C7orf57: variants seen among roughly 807,000 people sequenced by gnomAD.
C7orf57 encodes chromosome 7 open reading frame 57.
Under a neutral mutation model 39.0 loss-of-function variants are expected in C7orf57, and 33 were observed. The observed-to-expected ratio is 0.85, with a 90% CI of 0.64 to 1.13. The LOEUF (loss-of-function observed/expected upper bound fraction) is 1.13. Ranked by LOEUF, C7orf57 falls within the 50% of genes most tolerant of loss-of-function variation. The pLI is 0.00. For missense variants in C7orf57, 346 were observed against 362.3 expected, an observed-to-expected ratio of 0.95 and a Z score of 0.37; for synonymous variants, 124 against 137.1, an observed-to-expected ratio of 0.90 and a Z score of 0.67.
At chr7:48,047,081 G>A (rs1271638903) in intron 5 of C7orf57, among the ~76,000 whole-genome samples, 1 of 152,188 alleles carries the variant, frequency 6.6e-6, no homozygotes, top group Non-Finnish European at 1.5e-5. Flanking sequence ...GTGACTGGCT[G>A]TGCAGTGAAG....
At chr7:48,039,751 T>C (rs1790490511) in intron 2 of C7orf57, among the ~76,000 whole-genome samples, 1 of 150,024 alleles carries the variant, frequency 6.7e-6, no homozygotes, top group Non-Finnish European at 1.5e-5. Context: ...ACTCTGAACA[T>C]ACTGCCCCTG....
intron 4 of C7orf57, 29 bp downstream of exon 4, chr7:48,043,618 G>T: frequency 6.4e-7 from 1 of 1,567,576 alleles, no homozygotes; most frequent in Non-Finnish European, 8.8e-7. Context: ...TCACATTTTT[G>T]TTTATCTTTA....
intron 6 of C7orf57, among the ~76,000 whole-genome samples, chr7:48,052,226 C>T (rs1437646683): frequency 2.6e-5 from 4 of 152,084 alleles, no homozygotes; most frequent in African/African-American, 9.7e-5. Context: ...CTGCCTTGGC[C>T]TCCCAAAGTG....
intron 2 of C7orf57, among the ~76,000 whole-genome samples, chr7:48,037,737 C>T (rs1490789745): frequency 1.5e-5 from 2 of 129,788 alleles, no homozygotes; most frequent in Non-Finnish European, 3.6e-5. Context: ...AACTCTTAGT[C>T]CCTTTAACCC....
intron 2 of C7orf57, among the ~76,000 whole-genome samples, chr7:48,037,994 C>A (rs967272304): frequency 6.6e-6 from 1 of 152,120 alleles, no homozygotes; most frequent in Admixed American, 6.5e-5. Context: ...CAATCAAACG[C>A]CTTCTCTCAA....
chr7:48,052,492 T>C (rs1790984580), intron 6 of C7orf57, among the ~76,000 whole-genome samples: 1 of 151,690 alleles, frequency 6.6e-6, no homozygotes, highest in Non-Finnish European at 1.5e-5. Context: ...TGCTTAAAAA[T>C]GGAGACAGTG....
intron 1 of C7orf57, 36 bp from the exon 2 acceptor site, chr7:48,036,172 C>A (rs542205577): frequency 2.3e-6 from 2 of 865,214 alleles, no homozygotes; most frequent in East Asian, 5.3e-5. Context: ...GCGTACAGAC[C>A]GACCCAGAGC....
chr7:48,053,154 A>G, intron 7 of C7orf57: 1 of 628,852 alleles, frequency 1.6e-6, no homozygotes, highest in Non-Finnish European at 2.9e-6. Context: ...GGGGTTTCAC[A>G]TTTTCTTTTA....
chr7:48,046,424 T>A, intron 4 of C7orf57, 36 bp from the exon 5 acceptor site: 2 of 1,590,260 alleles, frequency 1.3e-6, no homozygotes, highest in Non-Finnish European at 1.7e-6. Context: ...GAAATGGCTC[T>A]GAGCACCAGG....
chr7:48,051,840 T>C (rs1427529853), intron 6 of C7orf57, among the ~76,000 whole-genome samples: 79 of 78,374 alleles, frequency 1.0e-3, no homozygotes, highest in Admixed American at 1.2e-3. Context: ...TCTTTCTTTC[T>C]TTCTTTCTTT....
intron 5 of C7orf57, among the ~76,000 whole-genome samples, chr7:48,049,483 A>G (rs1790811978): frequency 6.6e-6 from 1 of 152,046 alleles, no homozygotes; most frequent in Non-Finnish European, 1.5e-5. Context: ...TCATGATACA[A>G]TTTGTTTATC....
intron 5 of C7orf57, 37 bp downstream of exon 5, chr7:48,046,653 G>A (rs527770988): frequency 1.3e-5 from 21 of 1,590,632 alleles, no homozygotes; most frequent in East Asian, 2.3e-5. Context: ...ATCCGCATCC[G>A]CTTTGCTTCT....
chr7:48,060,476 A>G lies in C7orf57; in HGVS notation c.*204A>G. The G allele has an allele frequency of 2.3e-6, 1 of 437,662 alleles. No homozygotes were observed. Among genetic ancestry groups the G allele is most frequent in the Non-Finnish European group, 4.3e-6 (1 of 234,474 alleles). The allele number at this position is 437,662 out of a possible 1,614,324, so 27.1% of individuals were successfully genotyped here. A position where few individuals can be genotyped will look rare whatever the true frequency, so the allele number is the denominator to read the frequency against. ...CTTGCATTTCTCTGGGATGTGAAAC[A>G]CTTGGCTAACAAACACAACTAAGGC... On this transcript the variant is annotated 3_prime_UTR_variant, in exon 9 of 9. Coordinates refer to ENST00000348904, the MANE Select transcript of C7orf57 (RefSeq NM_001100159.3).
chr7:48,054,504 G>T, intron 7 of C7orf57, 91 bp from the exon 8 acceptor site: 2 of 1,062,394 alleles, frequency 1.9e-6, no homozygotes, highest in African/African-American at 1.6e-5. Context: ...AAGTAATACA[G>T]AATTTTCATT....
chr7:48,052,678 C>T (rs1182891660), intron 6 of C7orf57, 22 bp from the exon 7 acceptor site: 2 of 1,599,926 alleles, frequency 1.3e-6, no homozygotes, highest in East Asian at 2.2e-5. Context: ...TTAAGTTTCA[C>T]ATTACTTTTA....
chr7:48,046,703 G>C (rs1254448375), intron 5 of C7orf57, 87 bp downstream of exon 5: 5 of 1,444,270 alleles, frequency 3.5e-6, no homozygotes, highest in African/African-American at 1.4e-5. Context: ...TTAGCTGCTG[G>C]TGGCGTCTTA....
Position 48,051,848 on chromosome 7 carries a change from T to TC in C7orf57, c.606-852_606-851insC, listed in dbSNP as rs1471987346. On this transcript the variant is annotated intron_variant, in intron 6 of 8. Transcript: ENST00000348904. ...CTTTCTTTCTTTCTTTCTTTCTTTC[T>TC]TTCTTTCTTTCTTTCTTTCTTTCTC... Among the ~76,000 whole-genome samples, 820 of 82,328 alleles carry TC rather than the reference T, an allele frequency of 1.0e-2. 15 individuals are homozygous for TC. The highest frequency in any genetic ancestry group is 0.018 in the South Asian group (42 of 2,380). 54.0% of individuals were successfully genotyped at this position (82,328 alleles called of 152,430 possible).
At chr7:48,054,972 G>T (rs1791073798) in intron 8 of C7orf57, among the ~76,000 whole-genome samples, 1 of 152,100 alleles carries the variant, frequency 6.6e-6, no homozygotes, top group South Asian at 2.1e-4. Context: ...CGCCTCCCGG[G>T]TTCACGCCAT....
chr7:48,042,018 A>G (rs1457400350), intron 3 of C7orf57, among the ~76,000 whole-genome samples: 1 of 152,242 alleles, frequency 6.6e-6, no homozygotes, highest in East Asian at 1.9e-4. Context: ...TTTAATTGAG[A>G]AAGTACTGCT....
Sources: gnomAD v4.1 joint callset for allele counts (sites outside exome capture counted in the v4.1 genomes callset) on GRCh38, gnomAD v4.1.1 for gene constraint, MANE v1.5 for transcripts, NCBI Gene and HGNC (gene_info 2026-07-23, HGNC 2026-07-21) for gene names.